Variants in FHIT observed in about 807,000 individuals in gnomAD.
FHIT encodes fragile histidine triad diadenosine triphosphatase, also known as bis(5'-adenosyl)-triphosphatase.
A neutral mutation model predicts 17.9 loss-of-function variants in FHIT; 19 were observed. The observed-to-expected ratio is 1.06, with a 90% CI of 0.74 to 1.56. The LOEUF (loss-of-function observed/expected upper bound fraction) is 1.56. Ranked by LOEUF, FHIT falls within the 40% of genes most tolerant of loss-of-function variation. The probability of loss-of-function intolerance (pLI) is 0.00; values close to 1 mark genes in which losing one functional copy is unlikely to be tolerated. For synonymous variants in FHIT, 81 were observed against 69.7 expected (o/e 1.16, Z -0.81); for missense variants, 248 against 189.2 (o/e 1.31, Z -1.82).
At chr3:60,657,377 C>T (rs1553689896) in intron 4 of FHIT, among the ~76,000 whole-genome samples, 1 of 152,130 alleles carries the variant, frequency 6.6e-6, no homozygotes, top group Non-Finnish European at 1.5e-5. Context: ...AATAGATCCC[C>T]CTTGGGAAAC....
At chr3:60,246,357 G>A (rs777469804) in intron 5 of FHIT, among the ~76,000 whole-genome samples, 3 of 152,008 alleles carry the variant, frequency 2.0e-5, no homozygotes, top group Non-Finnish European at 4.4e-5. Flanking sequence ...TAAAATGGCA[G>A]AAGAGAAAAG....
At chr3:60,061,041 C>T (rs1398623191) in intron 5 of FHIT, among the ~76,000 whole-genome samples, 1 of 152,202 alleles carries the variant, frequency 6.6e-6, no homozygotes, top group Non-Finnish European at 1.5e-5. Flanking sequence ...TTGGTCCACA[C>T]AATGCCTAGG....
chr3:60,547,480 C>T (rs1576853020), intron 4 of FHIT, among the ~76,000 whole-genome samples: 1 of 152,136 alleles, frequency 6.6e-6, no homozygotes, highest in East Asian at 1.9e-4. Flanking sequence ...CATTTCTAGC[C>T]GATTACTTTC....
chr3:61,083,593 CAAAAAG>C (rs1451236355), intron 2 of FHIT, among the ~76,000 whole-genome samples: 1 of 152,054 alleles, frequency 6.6e-6, no homozygotes, highest in Non-Finnish European at 1.5e-5. Flanking sequence ...GTCTCAAAAA[CAAAAAG>C]AAAAAGAAAC....
chr3:60,724,358 A>C (rs185828026), intron 4 of FHIT, among the ~76,000 whole-genome samples: 46 of 152,332 alleles, frequency 3.0e-4, no homozygotes, highest in Admixed American at 1.3e-3. Flanking sequence ...TGGATATACC[A>C]CATTTCATTT....
intron 1 of FHIT, among the ~76,000 whole-genome samples, chr3:61,247,052 G>A (rs1396078326): frequency 2.1e-5 from 3 of 142,276 alleles, no homozygotes; most frequent in African/African-American, 5.1e-5. Flanking sequence ...CTTCCCTGCC[G>A]AGAATATACC....
At chr3:60,992,730 T>C (rs887641461) in intron 3 of FHIT, among the ~76,000 whole-genome samples, 3 of 152,218 alleles carry the variant, frequency 2.0e-5, no homozygotes, top group Non-Finnish European at 4.4e-5. Flanking sequence ...TGTGCTGAAT[T>C]TGTCTGCATT....
intron 4 of FHIT, among the ~76,000 whole-genome samples, chr3:60,627,685 G>T (rs7610986): frequency 0.4 from 60,994 of 151,800 alleles, 12,559 homozygotes; most frequent in East Asian, 0.65. Context: ...CACCACACCC[G>T]GCTAATTTTC....
intron 5 of FHIT, among the ~76,000 whole-genome samples, chr3:60,394,010 G>A (rs563188063): frequency 2.5e-4 from 38 of 152,226 alleles, no homozygotes; most frequent in Admixed American, 1.3e-3. Flanking sequence ...GAGAATGGAC[G>A]GGAAAGAAAA....
At chr3:59,953,630 G>C (rs1707239387) in intron 7 of FHIT, among the ~76,000 whole-genome samples, 2 of 152,130 alleles carry the variant, frequency 1.3e-5, no homozygotes, top group South Asian at 4.1e-4. Context: ...AGCTGCCATA[G>C]ATAAATTAAG....
At chr3:60,030,684 G>A (rs1355260475) in intron 5 of FHIT, among the ~76,000 whole-genome samples, 2 of 152,130 alleles carry the variant, frequency 1.3e-5, no homozygotes, top group African/African-American at 2.4e-5. Flanking sequence ...ACTGCCCATA[G>A]AGCACTTGCT....
chr3:60,942,467 A>G (rs1319000198), intron 3 of FHIT, among the ~76,000 whole-genome samples: 2 of 152,128 alleles, frequency 1.3e-5, no homozygotes, highest in African/African-American at 2.4e-5. Context: ...GTATGGCCAT[A>G]AAGAAGTTAT....
chr3:60,364,204 C>T (rs1700019059), intron 5 of FHIT, among the ~76,000 whole-genome samples: 1 of 152,190 alleles, frequency 6.6e-6, no homozygotes, highest in Non-Finnish European at 1.5e-5. Flanking sequence ...AATAATTGTT[C>T]TCCAGTCATT....
At chr3:60,178,873 G>T (rs1701798276) in intron 5 of FHIT, among the ~76,000 whole-genome samples, 1 of 152,146 alleles carries the variant, frequency 6.6e-6, no homozygotes, top group Non-Finnish European at 1.5e-5. Context: ...AAAGAAATCT[G>T]ATATTGCCCT....
intron 2 of FHIT, among the ~76,000 whole-genome samples, chr3:61,053,877 A>G (rs1430237112): frequency 6.6e-6 from 1 of 152,178 alleles, no homozygotes; most frequent in African/African-American, 2.4e-5. Context: ...GGAAACAATT[A>G]GAAACTGGCA....
At chr3:60,196,224 A>G (rs916579054) in intron 5 of FHIT, among the ~76,000 whole-genome samples, 3 of 151,992 alleles carry the variant, frequency 2.0e-5, no homozygotes, top group Non-Finnish European at 4.4e-5. Flanking sequence ...AAAAGTAAGC[A>G]GGGCTGTGTT....
intron 3 of FHIT, among the ~76,000 whole-genome samples, chr3:61,039,927 T>G (rs1341751910): frequency 6.6e-6 from 1 of 152,214 alleles, no homozygotes; most frequent in African/African-American, 2.4e-5. Flanking sequence ...ATATTATTAC[T>G]AACTTGAAGA....
intron 5 of FHIT, among the ~76,000 whole-genome samples, chr3:60,325,911 G>T (rs565680871): frequency 6.6e-6 from 1 of 152,208 alleles, no homozygotes; most frequent in South Asian, 2.1e-4. Context: ...CCAAATGTGT[G>T]TAATCATGAC....
intron 5 of FHIT, among the ~76,000 whole-genome samples, chr3:60,106,111 C>T (rs1157870309): frequency 6.6e-6 from 1 of 152,128 alleles, no homozygotes; most frequent in Admixed American, 6.5e-5. Flanking sequence ...CTGTATATGC[C>T]ACTCACCTGT....
Sources: gnomAD v4.1 joint callset for allele counts (sites outside exome capture counted in the v4.1 genomes callset) on GRCh38, gnomAD v4.1.1 for gene constraint, MANE v1.5 for transcripts, NCBI Gene and HGNC (gene_info 2026-07-23, HGNC 2026-07-21) for gene names.